Variants in LUZP2 observed in about 807,000 individuals in gnomAD.
LUZP2 encodes the protein leucine zipper protein 2.
In LUZP2, 52 loss-of-function variants were observed where a neutral mutation model predicts 51.6. The observed-to-expected ratio is 1.01, with a 90% CI of 0.81 to 1.27. The LOEUF is 1.27. LUZP2 is among the 50% of genes most tolerant of loss of function. The pLI is 0.00. For missense variants in LUZP2, 436 were observed against 395.4 expected, an observed-to-expected ratio of 1.10 and a Z score of -0.87; for synonymous variants, 154 against 137.3, an observed-to-expected ratio of 1.12 and a Z score of -0.85.
chr11:24,959,136 C>A (rs1855308735), intron 7 of LUZP2, among the ~76,000 whole-genome samples: 1 of 152,142 alleles, frequency 6.6e-6, no homozygotes, highest in Non-Finnish European at 1.5e-5. Flanking sequence ...GTACCAGTAT[C>A]ATGCTGTTTT....
intron 1 of LUZP2, among the ~76,000 whole-genome samples, chr11:24,606,423 A>G (rs544165721): frequency 3.5e-4 from 53 of 152,118 alleles, no homozygotes; most frequent in Middle Eastern, 3.4e-3. Context: ...TTTGTCTTGG[A>G]TTATTTTCAG....
At chr11:24,499,435 T>C (rs1418508061) in intron 1 of LUZP2, among the ~76,000 whole-genome samples, 2 of 152,212 alleles carry the variant, frequency 1.3e-5, no homozygotes, top group Non-Finnish European at 2.9e-5. Flanking sequence ...CACATGGTTA[T>C]TGTGCAGATT....
chr11:25,043,482 A>G (rs1052944243), intron 9 of LUZP2, among the ~76,000 whole-genome samples: 1 of 151,126 alleles, frequency 6.6e-6, no homozygotes, highest in Non-Finnish European at 1.5e-5. Flanking sequence ...GACAACAACA[A>G]CGAAAGCAAA....
chr11:24,598,369 A>G (rs1339778797), intron 1 of LUZP2, among the ~76,000 whole-genome samples: 1 of 152,162 alleles, frequency 6.6e-6, no homozygotes, highest in African/African-American at 2.4e-5. Context: ...TTATTTTGTC[A>G]GAAACTTTTA....
At chr11:24,703,232 CT>C (rs1384507200) in intron 1 of LUZP2, among the ~76,000 whole-genome samples, 1 of 152,154 alleles carries the variant, frequency 6.6e-6, no homozygotes, top group Non-Finnish European at 1.5e-5. Flanking sequence ...AGTTAATAAG[CT>C]TGTAGTGTAT....
At chr11:24,632,841 G>T (rs1590270425) in intron 1 of LUZP2, among the ~76,000 whole-genome samples, 1 of 152,078 alleles carries the variant, frequency 6.6e-6, no homozygotes, top group East Asian at 1.9e-4. Flanking sequence ...TATGCATCTT[G>T]CAGGCATTAT....
At chr11:24,884,341 C>T (rs564962493) in intron 5 of LUZP2, among the ~76,000 whole-genome samples, 8 of 151,976 alleles carry the variant, frequency 5.3e-5, no homozygotes, top group African/African-American at 1.9e-4. Context: ...AGAAATTTAC[C>T]TTATGGTACT....
intron 1 of LUZP2, among the ~76,000 whole-genome samples, chr11:24,657,694 A>G (rs1312084905): frequency 1.3e-5 from 2 of 152,318 alleles, no homozygotes; most frequent in East Asian, 3.9e-4. Context: ...GTCTCAGCCC[A>G]AAATCTCCTT....
chr11:24,857,760 G>A (rs142641060), intron 5 of LUZP2, among the ~76,000 whole-genome samples: 10 of 151,964 alleles, frequency 6.6e-5, no homozygotes, highest in African/African-American at 2.2e-4. Flanking sequence ...ATTTTAGCAT[G>A]CTTCCAGCCA....
chr11:24,919,882 T>A (rs1181179131), intron 7 of LUZP2, among the ~76,000 whole-genome samples: 2 of 151,500 alleles, frequency 1.3e-5, no homozygotes, highest in African/African-American at 2.4e-5. Flanking sequence ...AAATGTTGAA[T>A]TTAAGAATTA....
chr11:24,716,217 GTTA>G (rs1388148026), intron 1 of LUZP2, among the ~76,000 whole-genome samples: 4 of 152,156 alleles, frequency 2.6e-5, no homozygotes, highest in Non-Finnish European at 5.9e-5. Context: ...TGTTTCTACA[GTTA>G]TTATTGTTGT....
intron 1 of LUZP2, among the ~76,000 whole-genome samples, chr11:24,614,808 C>CACATTATT (rs1269987076): frequency 6.6e-6 from 1 of 151,928 alleles, no homozygotes; most frequent in African/African-American, 2.4e-5. Flanking sequence ...TACCTTTGTA[C>CACATTATT]ACATTATTAT....
intron 9 of LUZP2, among the ~76,000 whole-genome samples, chr11:24,999,066 G>C (rs1246353521): frequency 6.6e-6 from 1 of 151,978 alleles, no homozygotes; most frequent in African/African-American, 2.4e-5. Flanking sequence ...TGCAACACAT[G>C]GTCATTGAGC....
At chr11:24,826,672 T>C (rs1850552069) in intron 5 of LUZP2, among the ~76,000 whole-genome samples, 1 of 152,114 alleles carries the variant, frequency 6.6e-6, no homozygotes, top group Admixed American at 6.6e-5. Context: ...TCTAAACACT[T>C]CCCTGCCCAC....
chr11:24,552,449 G>A (rs1010709925), intron 1 of LUZP2, among the ~76,000 whole-genome samples: 3 of 152,018 alleles, frequency 2.0e-5, no homozygotes, highest in Non-Finnish European at 4.4e-5. Flanking sequence ...GTTTTATATA[G>A]TTTTAGAAGA....
intron 1 of LUZP2, among the ~76,000 whole-genome samples, chr11:24,675,564 C>T (rs1856516203): frequency 6.6e-6 from 1 of 152,018 alleles, no homozygotes; most frequent in African/African-American, 2.4e-5. Flanking sequence ...CTTTACTCAA[C>T]CTCTATATTT....
chr11:24,555,964 C>A (rs948389305), intron 1 of LUZP2, among the ~76,000 whole-genome samples: 3 of 152,150 alleles, frequency 2.0e-5, no homozygotes, highest in Admixed American at 6.5e-5. Flanking sequence ...GGCAACAGAG[C>A]AAGAGCCTGT....
At chr11:24,910,071 C>T (rs761397460) in intron 6 of LUZP2, among the ~76,000 whole-genome samples, 4 of 152,130 alleles carry the variant, frequency 2.6e-5, no homozygotes, top group Non-Finnish European at 5.9e-5. Flanking sequence ...AAAGGTGATT[C>T]TTGCTATGCT....
intron 9 of LUZP2, among the ~76,000 whole-genome samples, chr11:24,984,931 C>A (rs1238902110): frequency 6.6e-6 from 1 of 151,450 alleles, no homozygotes; most frequent in African/African-American, 2.4e-5. Context: ...CTATGTCTTC[C>A]TTCTTCAGAG....
Sources: gnomAD v4.1 joint callset for allele counts (sites outside exome capture counted in the v4.1 genomes callset) on GRCh38, gnomAD v4.1.1 for gene constraint, MANE v1.5 for transcripts, NCBI Gene and HGNC (gene_info 2026-07-23, HGNC 2026-07-21) for gene names.